The following TNFRSF12A variants were observed in gnomAD, a reference collection of about 807,000 sequenced individuals.
The protein encoded by TNFRSF12A is tumor necrosis factor receptor superfamily member 12A.
TNFRSF12A carries 13 observed loss-of-function variants against 15.5 expected under a neutral mutation model. The ratio of observed to expected loss-of-function variants is 0.84; its 90% CI spans 0.54 to 1.33. The LOEUF is 1.33. Among genes scored for constraint, TNFRSF12A ranks in the 40% most tolerant of loss-of-function variants. TNFRSF12A has a pLI of 0.00. For missense variants in TNFRSF12A, 174 were observed against 173.6 expected, an observed-to-expected ratio of 1.00 and a Z score of -0.01; for synonymous variants, 89 against 78.4, an observed-to-expected ratio of 1.14 and a Z score of -0.71.
rs756494212 is a variant in TNFRSF12A at position 3,021,598 on chromosome 16, C to G, written c.243C>G (p.Ile81Met). The change falls in exon 3 of 4, where the codon ATC (isoleucine) becomes ATG (methionine). Residue 81 changes from isoleucine to methionine, a missense_variant. By Grantham distance (10) the Ile-to-Met change is conservative (BLOSUM62 1). Coordinates refer to ENST00000326577, the MANE Select transcript of TNFRSF12A (RefSeq NM_016639.3). ...PPAPFRLLWP[I>M]LGGALSLTFV... ...CCCCCTTCCGGCTGCTTTGGCCCAT[C>G]CTTGGGGGCGCTCTGAGCCTGACCT... The G allele has an allele frequency of 2.5e-6, 4 of 1,613,294 alleles. No individual in the cohort carries two copies. The East Asian group carries it at 8.9e-5, about 36-fold the overall frequency.
rs756638518 is a variant in TNFRSF12A at position 3,021,935 on chromosome 16, A to AG, written c.*115dup. The AG allele has an allele frequency of 4.1e-6, 5 of 1,222,694 alleles. No individual in the cohort carries two copies. In the Admixed American group the frequency reaches 8.5e-5, roughly 21 times the overall value. 75.7% of individuals were successfully genotyped at this position (1,222,694 alleles called of 1,614,324 possible). ...CGGGAGCCAAGCTCCTCCAACCACA[A>AG]GGGGGGTGGGGGGCGGTGAATCACC... On this transcript the variant is annotated 3_prime_UTR_variant, in exon 4 of 4. Coordinates refer to ENST00000326577, the MANE Select transcript of TNFRSF12A (RefSeq NM_016639.3).
intron 1 of TNFRSF12A, 51 bp from the exon 2 acceptor site, chr16:3,021,164 C>T: frequency 4.9e-6 from 5 of 1,019,566 alleles, no homozygotes; most frequent in Non-Finnish European, 7.0e-6. Flanking sequence ...CCTCAGACCC[C>T]AGAATAGCCG....
intron 1 of TNFRSF12A, chr16:3,020,995 C>T (rs1238161054): frequency 8.2e-6 from 4 of 488,198 alleles, no homozygotes; most frequent in Non-Finnish European, 1.4e-5. Flanking sequence ...CCGCCGGCGG[C>T]AGGGGGGTTG....
intron 1 of TNFRSF12A, 186 bp from the exon 2 acceptor site, chr16:3,021,029 C>G: frequency 2.1e-6 from 1 of 480,208 alleles, no homozygotes; most frequent in Non-Finnish European, 3.7e-6. Context: ...CCCCCCACCC[C>G]CAGCGTCCCG....
rs768994027 is a variant in TNFRSF12A at position 3,021,896 on chromosome 16, C to T, written c.*70C>T. 92 of 1,552,158 alleles carry T rather than the reference C, an allele frequency of 5.9e-5. No individual in the cohort carries two copies. The highest frequency in any genetic ancestry group is 5.2e-4 in the Middle Eastern group (3 of 5,820). On this transcript the variant is annotated 3_prime_UTR_variant, in exon 4 of 4. Coordinates refer to ENST00000326577, the MANE Select transcript of TNFRSF12A (RefSeq NM_016639.3). ...TCATCCATTCTAGAGCCAGTCTCTGCCTCCCAGACGCGGCGGGAGCCAAGC... is the reference window on the plus strand; with the variant it reads ...TCATCCATTCTAGAGCCAGTCTCTGTCTCCCAGACGCGGCGGGAGCCAAGC...
In TNFRSF12A at chr16:3,022,159, G is replaced by C. The variant is rs1487701106; in HGVS notation, c.*333G>C. The C allele has an allele frequency of 1.1e-5, 5 of 437,174 alleles. No homozygotes were observed. Among genetic ancestry groups the C allele is most frequent in the Middle Eastern group, 5.7e-4 (1 of 1,754 alleles). 27.1% of individuals were successfully genotyped at this position (437,174 alleles called of 1,614,324 possible). A position where few individuals can be genotyped will look rare whatever the true frequency, so the allele number is the denominator to read the frequency against. On this transcript the variant is annotated 3_prime_UTR_variant, in exon 4 of 4. Transcript: ENST00000326577. ...GGGGGCCAGGCTGACTTGGGGGGCA[G>C]ACTTGACACTAGGCCCCACTCACTC... is the stretch of plus-strand genomic sequence containing the variant.
chr16:3,021,145 C>A (rs764560128), intron 1 of TNFRSF12A, 70 bp from the exon 2 acceptor site: 2 of 807,944 alleles, frequency 2.5e-6, no homozygotes, highest in Non-Finnish European at 3.7e-6. Flanking sequence ...TCGAGCCGGC[C>A]GACCCTGACC....
In TNFRSF12A at chr16:3,021,831, G is replaced by A. The variant is rs752117478; in HGVS notation, c.*5G>A. On this transcript the variant is annotated 3_prime_UTR_variant, in exon 4 of 4. Transcript: ENST00000326577. ...GCTGTGGCGCTGATCCAGTGACAAT[G>A]TGCCCCCTGCCAGCCGGGGCTCGCC... The A allele has an allele frequency of 1.5e-5, 24 of 1,612,328 alleles. 1 individual carries two copies. In the African/African-American group the frequency reaches 1.9e-4, roughly 13 times the overall value.
At position 3,020,371 on chromosome 16, in the gene TNFRSF12A, G is replaced by A; in HGVS notation, c.-27G>A. 1 of 1,285,234 alleles carries A rather than the reference G, an allele frequency of 7.8e-7. No homozygotes were observed. The highest frequency in any genetic ancestry group is 9.8e-7 in the Non-Finnish European group (1 of 1,015,694). The allele number at this position is 1,285,234 out of a possible 1,614,324, so 79.6% of individuals were successfully genotyped here. ...TCCCTGCCGGCCGGCGGCGGGCGCA[G>A]ACAGCGGCGGGCGCAGGACGTGCAC... On this transcript the variant is annotated 5_prime_UTR_variant, in exon 1 of 4. Transcript: ENST00000326577.
intron 1 of TNFRSF12A, 35 bp from the exon 2 acceptor site, chr16:3,021,180 C>G (rs866865055): frequency 8.3e-7 from 1 of 1,207,214 alleles, no homozygotes; most frequent in Admixed American, 2.6e-5. Context: ...AGCCGAGTCC[C>G]GCCCCCAGCC....
intron 1 of TNFRSF12A, 26 bp from the exon 2 acceptor site, chr16:3,021,189 C>T: frequency 7.6e-7 from 1 of 1,320,146 alleles, no homozygotes; most frequent in Non-Finnish European, 1.0e-6. Flanking sequence ...CCGCCCCCAG[C>T]CTCTGACCCG....
Position 3,021,793 on chromosome 16 carries a change from A to C in TNFRSF12A, c.357A>C (p.Gly119=). The stretch of plus-strand genomic sequence containing the variant: ...CAGCCCCCATAGAGGAGACCGGCGG[A>C]GAGGGCTGCCCAGCTGTGGCGCTGA... ...KFTTPIEETG[G]EGCPAVALIQ is the part of the protein sequence containing the mutation. The change falls in exon 4 of 4, where the codon GGA becomes GGC. Residue 119 remains glycine, a synonymous_variant. Transcript: ENST00000326577. 6.2e-7 allele frequency: 1 copy of C among 1,613,228 alleles called. No individual in the cohort carries two copies. The highest frequency in any genetic ancestry group is 8.5e-7 in the Non-Finnish European group (1 of 1,179,732).
chr16:3,021,163 C>A, intron 1 of TNFRSF12A, 52 bp from the exon 2 acceptor site: 2 of 1,011,120 alleles, frequency 2.0e-6, no homozygotes, highest in Non-Finnish European at 1.4e-6. Flanking sequence ...ACCTCAGACC[C>A]CAGAATAGCC....
Position 3,020,382 on chromosome 16 carries a change from G to A in TNFRSF12A, c.-16G>A, listed in dbSNP as rs374188616. 1 of 1,287,360 alleles carries A rather than the reference G, an allele frequency of 7.8e-7. No homozygotes were observed. The highest frequency in any genetic ancestry group is 9.8e-7 in the Non-Finnish European group (1 of 1,016,956). The allele number at this position is 1,287,360 out of a possible 1,614,324, so 79.7% of individuals were successfully genotyped here. A position where few individuals can be genotyped will look rare whatever the true frequency, so the allele number is the denominator to read the frequency against. On this transcript the variant is annotated 5_prime_UTR_variant, in exon 1 of 4. Transcript: ENST00000326577. ...CGGCGGCGGGCGCAGACAGCGGCGG[G>A]CGCAGGACGTGCACTATGGCTCGGG... is the stretch of plus-strand genomic sequence containing the variant.
chr16:3,020,910 C>A (rs921351274), intron 1 of TNFRSF12A: 5 of 464,418 alleles, frequency 1.1e-5, no homozygotes, highest in Non-Finnish European at 1.9e-5. Flanking sequence ...GTGCCCCCTT[C>A]CATCCGGTGA....
Position 3,021,872 on chromosome 16 carries a change from C to T in TNFRSF12A, c.*46C>T, listed in dbSNP as rs775674729. The stretch of plus-strand genomic sequence containing the variant: ...GGGGCTCGCCCACTCATCATTCATT[C>T]ATCCATTCTAGAGCCAGTCTCTGCC... On this transcript the variant is annotated 3_prime_UTR_variant, in exon 4 of 4. Transcript: ENST00000326577. 6.3e-6 allele frequency: 10 copies of T among 1,598,214 alleles called. 1 individual carries two copies. In the South Asian group the frequency reaches 1.1e-4, roughly 18 times the overall value.
rs370784255 is a variant in TNFRSF12A at position 3,021,715 on chromosome 16, C to A, written c.334+26C>A. Reference sequence around the variant, plus strand: ...GTAAGTGTGCCCTGGCCTGCCCAGCCCTGTCAGCACTCGACCTTTTCTCTG... The same window carrying A: ...GTAAGTGTGCCCTGGCCTGCCCAGCACTGTCAGCACTCGACCTTTTCTCTG... On this transcript the variant is annotated intron_variant, in intron 3 of 3. Coordinates refer to ENST00000326577, the MANE Select transcript of TNFRSF12A (RefSeq NM_016639.3). 16 of 1,611,838 alleles carry A rather than the reference C, an allele frequency of 9.9e-6. No individual in the cohort carries two copies. The African/African-American group carries it at 2.1e-4, about 22-fold the overall frequency.
chr16:3,021,861 C>T lies in TNFRSF12A; in HGVS notation c.*35C>T. On this transcript the variant is annotated 3_prime_UTR_variant, in exon 4 of 4. Transcript: ENST00000326577. ...CCCTGCCAGCCGGGGCTCGCCCACT[C>T]ATCATTCATTCATCCATTCTAGAGC... 2 of 1,605,246 alleles carry T rather than the reference C, an allele frequency of 1.2e-6. No individual in the cohort carries two copies. Among genetic ancestry groups the T allele is most frequent in the Non-Finnish European group, 8.5e-7 (1 of 1,176,998 alleles).
At chr16:3,020,523 G>A in intron 1 of TNFRSF12A, 32 bp downstream of exon 1, 1 of 1,273,088 alleles carries the variant, frequency 7.9e-7, no homozygotes, top group Non-Finnish European at 9.9e-7. Context: ...GGGAACCCCG[G>A]GCCGGGGCTC....
Sources: allele counts gnomAD v4.1 joint callset, GRCh38; gene constraint gnomAD v4.1.1; transcripts MANE v1.5; gene names NCBI Gene and HGNC (gene_info 2026-07-23, HGNC 2026-07-21).